The following STEAP1B variants were observed in gnomAD, a reference collection of about 807,000 sequenced individuals.
The protein encoded by STEAP1B is STEAP family protein MGC87042.
Under a neutral mutation model 27.9 loss-of-function variants are expected in STEAP1B, and 13 were observed. That is an observed-to-expected ratio of 0.47 (90% CI 0.30 to 0.74). The LOEUF (loss-of-function observed/expected upper bound fraction) is 0.74, where lower values mean the gene tolerates loss of function less well. Among genes scored for constraint, STEAP1B ranks in the 30% least tolerant of loss-of-function variants. The pLI is 0.06. For missense variants in STEAP1B, 250 were observed against 298.7 expected (o/e 0.84, Z 1.20); for synonymous variants, 86 against 107.1 (o/e 0.80, Z 1.22).
At chr7:22,458,017 T>C (rs535782873) in intron 4 of STEAP1B, among the ~76,000 whole-genome samples, 1 of 152,360 alleles carries the variant, frequency 6.6e-6, no homozygotes, top group African/African-American at 2.4e-5. Flanking sequence ...GCTTAATTTA[T>C]TGTAAGTCCA....
chr7:22,466,924 A>G (rs1464738360), intron 4 of STEAP1B, among the ~76,000 whole-genome samples: 1 of 152,190 alleles, frequency 6.6e-6, no homozygotes, highest in African/African-American at 2.4e-5. Context: ...TCTCATCTGG[A>G]AAATGGGGAC....
intron 1 of STEAP1B, among the ~76,000 whole-genome samples, chr7:22,499,778 C>T (rs1227111691): frequency 3.9e-5 from 6 of 152,214 alleles, no homozygotes; most frequent in Non-Finnish European, 8.8e-5. Context: ...GACTTTGCCA[C>T]GTTAAAAAAC....
chr7:22,421,303 A>G (rs1785039765), intron 4 of STEAP1B, among the ~76,000 whole-genome samples: 2 of 152,246 alleles, frequency 1.3e-5, no homozygotes, highest in African/African-American at 4.8e-5. Flanking sequence ...GATGATGGTG[A>G]TGGCAATGTC....
At chr7:22,483,672 T>C (rs1009101804) in intron 4 of STEAP1B, among the ~76,000 whole-genome samples, 3 of 152,218 alleles carry the variant, frequency 2.0e-5, no homozygotes, top group Non-Finnish European at 4.4e-5. Flanking sequence ...TCTTTGATGT[T>C]ACTACCGTAA....
At chr7:22,419,891 TATTA>T in intron 4 of STEAP1B, 55 bp from the exon 5 acceptor site, 1 of 1,506,094 alleles carries the variant, frequency 6.6e-7, no homozygotes, top group East Asian at 2.6e-5. Context: ...ACTATCACTA[TATTA>T]ATTTGCGTCC....
chr7:22,479,184 A>G (rs1252350013), intron 4 of STEAP1B, among the ~76,000 whole-genome samples: 1 of 152,226 alleles, frequency 6.6e-6, no homozygotes, highest in Non-Finnish European at 1.5e-5. Context: ...GAAATAACTA[A>G]GTCCTGGGGC....
chr7:22,436,453 T>A (rs1327375838), intron 4 of STEAP1B, among the ~76,000 whole-genome samples: 1 of 152,192 alleles, frequency 6.6e-6, no homozygotes, highest in Non-Finnish European at 1.5e-5. Flanking sequence ...ATGTGCAGGT[T>A]TGTCATATAG....
chr7:22,452,427 C>G (rs971240282), intron 4 of STEAP1B, among the ~76,000 whole-genome samples: 2 of 151,988 alleles, frequency 1.3e-5, no homozygotes, highest in Non-Finnish European at 2.9e-5. Context: ...AATCCCCCCC[C>G]TCCCCGCGCC....
chr7:22,499,705 G>A (rs1254091291), intron 1 of STEAP1B, among the ~76,000 whole-genome samples: 8 of 152,316 alleles, frequency 5.3e-5, no homozygotes, highest in South Asian at 2.1e-4. Flanking sequence ...ACCCGAAGAC[G>A]AGAAGTAGCA....
At chr7:22,431,395 T>A (rs1317331319) in intron 4 of STEAP1B, among the ~76,000 whole-genome samples, 1 of 152,228 alleles carries the variant, frequency 6.6e-6, no homozygotes, top group Admixed American at 6.5e-5. Context: ...ACATCTTTTT[T>A]TCCAAAAGTC....
intron 4 of STEAP1B, among the ~76,000 whole-genome samples, chr7:22,447,074 T>C (rs1785419616): frequency 1.3e-5 from 2 of 152,220 alleles, no homozygotes; most frequent in African/African-American, 2.4e-5. Flanking sequence ...AAGAGCTCAG[T>C]GAGCACTCTT....
chr7:22,459,639 C>A (rs1423721172), intron 4 of STEAP1B, among the ~76,000 whole-genome samples: 2 of 152,216 alleles, frequency 1.3e-5, no homozygotes, highest in East Asian at 1.9e-4. Context: ...CCTCCTGGCA[C>A]AAAGAAAGTG....
At chr7:22,440,326 AG>A (rs1785313693) in intron 4 of STEAP1B, among the ~76,000 whole-genome samples, 1 of 152,190 alleles carries the variant, frequency 6.6e-6, no homozygotes, top group Non-Finnish European at 1.5e-5. Context: ...TATAATTAAA[AG>A]TCCTTCAATT....
intron 4 of STEAP1B, among the ~76,000 whole-genome samples, chr7:22,463,112 G>C (rs574557401): frequency 6.6e-6 from 1 of 152,132 alleles, no homozygotes; most frequent in South Asian, 2.1e-4. Flanking sequence ...CAAAGTCTCA[G>C]GATACAAAAT....
chr7:22,455,031 C>T (rs536208832), intron 4 of STEAP1B, among the ~76,000 whole-genome samples: 1 of 151,690 alleles, frequency 6.6e-6, no homozygotes, highest in Admixed American at 6.6e-5. Flanking sequence ...CCCAGCTACC[C>T]TTTTTGTATT....
At chr7:22,480,855 A>C (rs909822156) in intron 4 of STEAP1B, among the ~76,000 whole-genome samples, 9 of 152,206 alleles carry the variant, frequency 5.9e-5, no homozygotes, top group African/African-American at 1.9e-4. Flanking sequence ...GAAGCACTTA[A>C]GCCCCATACT....
At chr7:22,460,725 T>A (rs904406041) in intron 4 of STEAP1B, among the ~76,000 whole-genome samples, 10 of 152,022 alleles carry the variant, frequency 6.6e-5, no homozygotes, top group Admixed American at 6.6e-4. Flanking sequence ...TGGGGCAGGT[T>A]CCACCAAAAG....
chr7:22,458,360 A>G (rs559650075), intron 4 of STEAP1B, among the ~76,000 whole-genome samples: 2 of 152,302 alleles, frequency 1.3e-5, no homozygotes, highest in South Asian at 4.1e-4. Flanking sequence ...AGAAGATTGT[A>G]ACCAGGGAGG....
chr7:22,437,007 G>A (rs866244477), intron 4 of STEAP1B, among the ~76,000 whole-genome samples: 2 of 152,126 alleles, frequency 1.3e-5, no homozygotes, highest in Non-Finnish European at 2.9e-5. Context: ...TTGACAAATG[G>A]GATCTAATTA....
Sources: allele counts gnomAD v4.1 joint callset (sites outside exome capture counted in the v4.1 genomes callset), GRCh38; gene constraint gnomAD v4.1.1; transcripts MANE v1.5; gene names NCBI Gene and HGNC (gene_info 2026-07-23, HGNC 2026-07-21).